The following DPP6 variants were observed in gnomAD, a reference collection of about 807,000 sequenced individuals.
DPP6 encodes dipeptidyl peptidase like 6.
In DPP6, 69 loss-of-function variants were observed where a neutral mutation model predicts 122.6. The observed-to-expected ratio is 0.56, with a 90% CI of 0.46 to 0.69. The LOEUF (loss-of-function observed/expected upper bound fraction) is 0.69, where lower values mean the gene tolerates loss of function less well. Ranked by LOEUF, DPP6 falls within the 30% of genes least tolerant of loss-of-function variation. The pLI is 0.00. For missense variants in DPP6, 928 were observed against 1,116.9 expected (o/e 0.83, Z 2.41); for synonymous variants, 418 against 433.1 (o/e 0.97, Z 0.43).
chr7:153,925,743 C>T (rs1234619421), intron 1 of DPP6, among the ~76,000 whole-genome samples: 2 of 152,180 alleles, frequency 1.3e-5, no homozygotes, highest in South Asian at 2.1e-4. Context: ...CGGAGATCAT[C>T]CCACATGGTG....
At chr7:154,305,336 A>AGCG in intron 1 of DPP6, 1 of 362,170 alleles carries the variant, frequency 2.8e-6, no homozygotes, top group Non-Finnish European at 4.0e-6. Flanking sequence ...CGTCTTGTCT[A>AGCG]CCCACCCTCC....
At chr7:154,370,270 ACCAC>A (rs936609249) in intron 1 of DPP6, among the ~76,000 whole-genome samples, 23 of 151,648 alleles carry the variant, frequency 1.5e-4, no homozygotes, top group African/African-American at 5.1e-4. Context: ...GGCATGAGCC[ACCAC>A]GCTGGGCTGG....
At chr7:153,794,079 A>T in the DPP6 span, among the ~76,000 whole-genome samples, 1 of 152,218 alleles carries the variant, frequency 6.6e-6, no homozygotes, top group African/African-American at 2.4e-5. Context: ...TGCAGACGGA[A>T]ATGTGGGATC....
At chr7:154,009,923 T>G (rs1055861404) in intron 1 of DPP6, among the ~76,000 whole-genome samples, 1 of 152,168 alleles carries the variant, frequency 6.6e-6, no homozygotes, top group African/African-American at 2.4e-5. Flanking sequence ...CCAACTTATG[T>G]ATCTTACATA....
chr7:154,417,112 C>A (rs561413821), intron 1 of DPP6, among the ~76,000 whole-genome samples: 3 of 152,184 alleles, frequency 2.0e-5, no homozygotes, highest in Non-Finnish European at 4.4e-5. Flanking sequence ...CTCAGCCTAT[C>A]ACCCAGGAGG....
chr7:154,189,069 C>T (rs1798489942), intron 1 of DPP6, among the ~76,000 whole-genome samples: 1 of 152,140 alleles, frequency 6.6e-6, no homozygotes, highest in Non-Finnish European at 1.5e-5. Context: ...CTATAGGTCT[C>T]CTTCTTGCGT....
At chr7:154,436,148 G>A (rs1818842364) in intron 1 of DPP6, among the ~76,000 whole-genome samples, 1 of 151,532 alleles carries the variant, frequency 6.6e-6, no homozygotes, top group South Asian at 2.1e-4. Flanking sequence ...TTCCTATTGT[G>A]TTTTGGATAA....
chr7:154,333,010 A>G (rs1290309268), intron 1 of DPP6, among the ~76,000 whole-genome samples: 2 of 152,164 alleles, frequency 1.3e-5, no homozygotes, highest in Non-Finnish European at 2.9e-5. Context: ...GTGTTCCTGT[A>G]GGAGGAAATG....
At chr7:154,473,524 A>T (rs1180116395) in intron 2 of DPP6, among the ~76,000 whole-genome samples, 3 of 152,236 alleles carry the variant, frequency 2.0e-5, no homozygotes, top group Non-Finnish European at 4.4e-5. Flanking sequence ...TGACAATTTC[A>T]GTAATTTGTC....
chr7:154,718,120 TG>T (rs1841595214), intron 7 of DPP6, among the ~76,000 whole-genome samples: 1 of 152,202 alleles, frequency 6.6e-6, no homozygotes, highest in African/African-American at 2.4e-5. Flanking sequence ...GCTATTGAGT[TG>T]TTTGAGTTCC....
upstream of DPP6, among the ~76,000 whole-genome samples, chr7:154,049,304 T>TTGTGTGTGTG (rs66669803): frequency 1.9e-4 from 23 of 121,906 alleles, no homozygotes; most frequent in Non-Finnish European, 2.8e-4. Flanking sequence ...TTTTCCTTGT[T>TTGTGTGTGTG]TGTGTGTGTG....
chr7:154,356,664 A>G (rs945744567), intron 1 of DPP6, among the ~76,000 whole-genome samples: 9 of 152,184 alleles, frequency 5.9e-5, no homozygotes, highest in Admixed American at 2.6e-4. Flanking sequence ...ACTGAATTCC[A>G]TGGGCTTCTC....
At chr7:154,189,341 C>T (rs957916504) in intron 1 of DPP6, among the ~76,000 whole-genome samples, 12 of 152,180 alleles carry the variant, frequency 7.9e-5, no homozygotes, top group Non-Finnish European at 1.8e-4. Flanking sequence ...AGATTTCCTC[C>T]AATTTAAGAT....
intron 1 of DPP6, among the ~76,000 whole-genome samples, chr7:154,035,704 A>G (rs1799482848): frequency 6.6e-6 from 1 of 152,134 alleles, no homozygotes; most frequent in South Asian, 2.1e-4. Flanking sequence ...CAGGAAGCTC[A>G]AAGTTACAGC....
At chr7:153,902,066 G>A (rs1799659679) in intron 1 of DPP6, among the ~76,000 whole-genome samples, 2 of 152,300 alleles carry the variant, frequency 1.3e-5, no homozygotes, top group East Asian at 1.9e-4. Context: ...CTCCACAAAG[G>A]TAGTAGAGAA....
intron 1 of DPP6, among the ~76,000 whole-genome samples, chr7:154,187,859 C>T (rs547871577): frequency 5.3e-5 from 8 of 152,074 alleles, no homozygotes; most frequent in South Asian, 4.2e-4. Flanking sequence ...CTTCTGATGC[C>T]GAGACTCTAA....
At chr7:154,540,823 T>C (rs1210353713) in intron 4 of DPP6, among the ~76,000 whole-genome samples, 197 bp downstream of exon 4, 1 of 152,236 alleles carries the variant, frequency 6.6e-6, no homozygotes, top group Non-Finnish European at 1.5e-5. Context: ...ACTGTTTCTT[T>C]CATTGTCTGG....
At chr7:154,330,933 T>G (rs540564562) in intron 1 of DPP6, among the ~76,000 whole-genome samples, 1 of 152,328 alleles carries the variant, frequency 6.6e-6, no homozygotes, top group South Asian at 2.1e-4. Context: ...TTCTGTTGCA[T>G]TCTCCAGCTC....
chr7:154,464,809 C>T (rs1400251380), intron 2 of DPP6, among the ~76,000 whole-genome samples: 2 of 152,172 alleles, frequency 1.3e-5, no homozygotes, highest in South Asian at 2.1e-4. Context: ...AATGCCTGCA[C>T]AAAATATGCC....
Sources: gnomAD v4.1 joint callset for allele counts (sites outside exome capture counted in the v4.1 genomes callset) on GRCh38, gnomAD v4.1.1 for gene constraint, MANE v1.5 for transcripts, NCBI Gene and HGNC (gene_info 2026-07-23, HGNC 2026-07-21) for gene names.